INTS9: variants seen among roughly 807,000 people sequenced by gnomAD.
INTS9 encodes protein related to CPSF subunits of 74 kDa.
Under a neutral mutation model 79.7 loss-of-function variants are expected in INTS9, and 55 were observed. That is an observed-to-expected ratio of 0.69 (90% CI 0.56 to 0.86). The LOEUF (loss-of-function observed/expected upper bound fraction) is 0.86. Ranked by LOEUF, INTS9 falls within the 40% of genes least tolerant of loss-of-function variation. INTS9 has a pLI of 0.00. For synonymous variants in INTS9, 319 were observed against 325.2 expected, an observed-to-expected ratio of 0.98 and a Z score of 0.20; for missense variants, 721 against 831.5, an observed-to-expected ratio of 0.87 and a Z score of 1.64.
chr8:28,786,989 T>G (rs1367509704), intron 11 of INTS9, among the ~76,000 whole-genome samples: 4 of 152,198 alleles, frequency 2.6e-5, no homozygotes. Context: ...AGTGCTGGGA[T>G]TACAGGCGTG....
intron 4 of INTS9, among the ~76,000 whole-genome samples, chr8:28,842,240 T>C (rs368607566): frequency 1.1e-3 from 170 of 152,264 alleles, no homozygotes; most frequent in African/African-American, 3.6e-3. Flanking sequence ...GTTGGTCTTG[T>C]TGTCTTGGGT....
chr8:28,790,268 G>T (rs537047080), intron 10 of INTS9, among the ~76,000 whole-genome samples: 2 of 152,188 alleles, frequency 1.3e-5, no homozygotes, highest in African/African-American at 4.8e-5. Context: ...GTCCTGGCAT[G>T]GGGGGCTGGG....
At chr8:28,787,786 C>A in intron 11 of INTS9, 43 bp downstream of exon 11, 1 of 1,428,736 alleles carries the variant, frequency 7.0e-7, no homozygotes, top group South Asian at 1.2e-5. Flanking sequence ...TCAGGTTATC[C>A]ACATTGCTTC....
chr8:28,825,329 C>A (rs968059279), intron 6 of INTS9, among the ~76,000 whole-genome samples: 1 of 152,226 alleles, frequency 6.6e-6, no homozygotes, highest in African/African-American at 2.4e-5. Context: ...CAACCCCAAG[C>A]ACATCTCTCC....
intron 1 of INTS9, among the ~76,000 whole-genome samples, chr8:28,883,711 T>C (rs1810018296): frequency 6.6e-6 from 1 of 152,228 alleles, no homozygotes; most frequent in Non-Finnish European, 1.5e-5. Context: ...AGGCTTCACG[T>C]TCCATATAGG....
chr8:28,869,314 G>A (rs1460041992), intron 1 of INTS9, among the ~76,000 whole-genome samples: 1 of 152,160 alleles, frequency 6.6e-6, no homozygotes, highest in Admixed American at 6.5e-5. Flanking sequence ...CCAAAGTGCT[G>A]GGATTACAGG....
chr8:28,848,610 T>C (rs956730853), intron 3 of INTS9, among the ~76,000 whole-genome samples: 1 of 152,158 alleles, frequency 6.6e-6, no homozygotes, highest in African/African-American at 2.4e-5. Context: ...CCCCACTCCC[T>C]TAGGATGAGG....
chr8:28,801,291 C>T (rs1458885635), intron 8 of INTS9, among the ~76,000 whole-genome samples: 1 of 152,134 alleles, frequency 6.6e-6, no homozygotes, highest in Non-Finnish European at 1.5e-5. Flanking sequence ...AGTTTGAAAC[C>T]AGCCTCAGCA....
Position 28,816,679 on chromosome 8 carries a change from T to C in INTS9, c.489-3067A>G, listed in dbSNP as rs1263862244. On this transcript the variant is annotated intron_variant, in intron 6 of 16. Coordinates refer to ENST00000521022, the MANE Select transcript of INTS9 (RefSeq NM_018250.4). ...TTTGGGTATATACCCAGTAATGGGA[T>C]GGCTGGGTCAAATGGTATTTCTAGT... is the stretch of plus-strand genomic sequence containing the variant. Among the ~76,000 whole-genome samples the C allele has an allele frequency of 1.1e-3, 170 of 148,054 alleles. 1 individual carries two copies. Among genetic ancestry groups the C allele is most frequent in the African/African-American group, 4.2e-3 (164 of 39,150 alleles).
rs1474806638 is a variant in INTS9 at position 28,777,901 on chromosome 8, C to T, written c.1323G>A (p.Met441Ile). The T allele has an allele frequency of 3.7e-6, 6 of 1,612,760 alleles. No individual in the cohort carries two copies. Among genetic ancestry groups the T allele is most frequent in the Non-Finnish European group, 5.1e-6 (6 of 1,179,368 alleles). ...EALAPYQPLA[M>I]KCIYCPIDTR... ...TGTCGATGGGGCAGTAGATGCATTT[C>T]ATGGCCAGCGGCTGGTAAGGAGCCA... The change falls in exon 13 of 17, where the codon ATG becomes ATA. Residue 441 changes from methionine (M) to isoleucine (I), a missense_variant. Around this residue, in one of 3 missense-constraint regions of INTS9, gnomAD observed 281 missense variants for 300.8 expected, o/e 0.93. Coordinates refer to ENST00000521022, the MANE Select transcript of INTS9 (RefSeq NM_018250.4).
chr8:28,802,946 CAAAAA>C (rs575727940), intron 8 of INTS9, among the ~76,000 whole-genome samples: 1 of 65,290 alleles, frequency 1.5e-5, no homozygotes, highest in Admixed American at 1.7e-4. Flanking sequence ...CCCGTTTCTA[CAAAAA>C]AAAAAAAAAA....
chr8:28,780,342 G>C, intron 12 of INTS9: 1 of 977,852 alleles, frequency 1.0e-6, no homozygotes, highest in Non-Finnish European at 1.2e-6. Context: ...GGCTGGGCAC[G>C]CTACACTGAT....
chr8:28,770,104 G>A, intron 15 of INTS9, 78 bp from the exon 16 acceptor site: 1 of 1,540,724 alleles, frequency 6.5e-7, no homozygotes, highest in East Asian at 2.3e-5. Flanking sequence ...CTGAGAGCCT[G>A]AGACTATCCT....
At chr8:28,854,632 G>A (rs1358503712) in intron 2 of INTS9, among the ~76,000 whole-genome samples, 2 of 152,170 alleles carry the variant, frequency 1.3e-5, no homozygotes, top group African/African-American at 4.8e-5. Flanking sequence ...TCAAGATGCT[G>A]GTGATAGGAC....
intron 6 of INTS9, among the ~76,000 whole-genome samples, chr8:28,820,064 T>C (rs889791391): frequency 6.6e-6 from 1 of 152,212 alleles, no homozygotes; most frequent in Non-Finnish European, 1.5e-5. Context: ...GTAAGATGGG[T>C]TTCCTGAATA....
At chr8:28,802,244 G>C (rs1804566306) in intron 8 of INTS9, among the ~76,000 whole-genome samples, 1 of 152,054 alleles carries the variant, frequency 6.6e-6, no homozygotes, top group Non-Finnish European at 1.5e-5. Context: ...ATAAACTCAG[G>C]GTCCCCAGAA....
chr8:28,788,905 A>G (rs530205015), intron 10 of INTS9, among the ~76,000 whole-genome samples: 2 of 152,244 alleles, frequency 1.3e-5, no homozygotes, highest in Non-Finnish European at 2.9e-5. Context: ...ATAAATCAAT[A>G]TATGTGGGTG....
chr8:28,771,117 T>A, intron 14 of INTS9, 37 bp from the exon 15 acceptor site: 1 of 1,336,994 alleles, frequency 7.5e-7, no homozygotes, highest in South Asian at 1.2e-5. Flanking sequence ...TGGGGGCCTT[T>A]AATGATGACC....
chr8:28,825,737 C>G (rs560126201), intron 6 of INTS9, among the ~76,000 whole-genome samples: 36 of 152,200 alleles, frequency 2.4e-4, no homozygotes, highest in Non-Finnish European at 5.1e-4. Context: ...AGCGTTCTGA[C>G]CAAGCCCTTA....
Sources: allele counts gnomAD v4.1 joint callset (sites outside exome capture counted in the v4.1 genomes callset), GRCh38; gene constraint gnomAD v4.1.1; regional missense constraint gnomAD v4.1.1; transcripts MANE v1.5; gene names NCBI Gene and HGNC (gene_info 2026-07-23, HGNC 2026-07-21).